Variants in CCDC169 observed in about 807,000 individuals in gnomAD.
CCDC169 encodes coiled-coil domain containing 169, also known as coiled-coil domain-containing protein 169.
A neutral mutation model predicts 36.0 loss-of-function variants in CCDC169; 30 were observed. The ratio of observed to expected loss-of-function variants is 0.83; its 90% CI spans 0.62 to 1.13. The LOEUF (loss-of-function observed/expected upper bound fraction) is 1.13. CCDC169 is among the 50% of genes most tolerant of loss of function. CCDC169 has a pLI of 0.00. For missense variants in CCDC169, 245 were observed against 245.9 expected (o/e 1.00, Z 0.03); for synonymous variants, 85 against 81.5 (o/e 1.04, Z -0.23).
intron 2 of CCDC169, among the ~76,000 whole-genome samples, chr13:36,286,516 C>T (rs1188804612): frequency 6.6e-6 from 1 of 152,090 alleles, no homozygotes; most frequent in Non-Finnish European, 1.5e-5. Context: ...TGAGGGATTT[C>T]GGAGTCTACA....
At chr13:36,232,727 GAATACAAAAAAAGAAAAA>G (rs1870576680) in intron 7 of CCDC169, among the ~76,000 whole-genome samples, 2 of 150,934 alleles carry the variant, frequency 1.3e-5, no homozygotes, top group African/African-American at 4.9e-5. Flanking sequence ...AAAAAAAAAA[GAATACAAAAAAAGAAAAA>G]AAAATTAGCC....
At chr13:36,238,500 C>T (rs1871346873) in intron 7 of CCDC169, among the ~76,000 whole-genome samples, 2 of 151,982 alleles carry the variant, frequency 1.3e-5, no homozygotes, top group Non-Finnish European at 2.9e-5. Flanking sequence ...TAATCCATTT[C>T]CTGTTAAAAT....
intron 4 of CCDC169, among the ~76,000 whole-genome samples, chr13:36,266,413 C>T (rs1875323656): frequency 6.6e-6 from 1 of 152,114 alleles, no homozygotes; most frequent in Non-Finnish European, 1.5e-5. Context: ...GACTTGTAGA[C>T]TCCAGATCCT....
At chr13:36,286,320 A>G (rs560539289) in intron 2 of CCDC169, among the ~76,000 whole-genome samples, 4 of 152,204 alleles carry the variant, frequency 2.6e-5, no homozygotes, top group Non-Finnish European at 5.9e-5. Context: ...TAGGTGCATT[A>G]GTCAGAGTGT....
Position 36,276,383 on chromosome 13 carries a change from G to C in CCDC169, c.315+7086C>G, listed in dbSNP as rs1422854694. 2.6e-5 allele frequency among the ~76,000 whole-genome samples: 4 copies of C among 152,230 alleles called. No individual in the cohort carries two copies. The East Asian group carries it at 7.7e-4, about 29-fold the overall frequency. ...ATTATATTCATTAGAACATATTCAA[G>C]GATTTGGATTTCGGCAAATTGGCTT... On this transcript the variant is annotated intron_variant, in intron 4 of 7. Coordinates refer to ENST00000239859, the MANE Select transcript of CCDC169 (RefSeq NM_001144981.3).
intron 2 of CCDC169, among the ~76,000 whole-genome samples, chr13:36,285,827 C>CT (rs1350488570): frequency 6.6e-6 from 1 of 152,162 alleles, no homozygotes; most frequent in Non-Finnish European, 1.5e-5. Context: ...ACACACAGAC[C>CT]TTGTAACCAG....
At chr13:36,255,286 C>A (rs1351748366) in intron 4 of CCDC169, among the ~76,000 whole-genome samples, 3 of 152,266 alleles carry the variant, frequency 2.0e-5, no homozygotes, top group Admixed American at 2.0e-4. Flanking sequence ...CCCCATCATG[C>A]GTTCTCCATG....
At chr13:36,292,976 T>C (rs1879084579) in intron 2 of CCDC169, among the ~76,000 whole-genome samples, 2 of 152,156 alleles carry the variant, frequency 1.3e-5, no homozygotes, top group Admixed American at 6.5e-5. Flanking sequence ...AGGGTGCAGG[T>C]AGATGGGTAG....
At chr13:36,260,845 C>T (rs1181409386) in intron 4 of CCDC169, among the ~76,000 whole-genome samples, 1 of 152,136 alleles carries the variant, frequency 6.6e-6, no homozygotes, top group Non-Finnish European at 1.5e-5. Flanking sequence ...TTCATAAGAG[C>T]CTCCTACCCC....
intron 4 of CCDC169, among the ~76,000 whole-genome samples, chr13:36,270,869 A>G (rs567521548): frequency 2.0e-5 from 3 of 152,312 alleles, no homozygotes; most frequent in Non-Finnish European, 4.4e-5. Context: ...TAGGCAAAGA[A>G]TTCATGACTA....
downstream of CCDC169, chr13:36,230,754 A>G: frequency 1.0e-6 from 1 of 986,554 alleles, no homozygotes. Context: ...TCAAGTCAAA[A>G]CTTAAAATGG....
At chr13:36,297,594 G>T (rs938494171) in intron 1 of CCDC169, 43 bp downstream of exon 1, 2 of 1,532,958 alleles carry the variant, frequency 1.3e-6, no homozygotes, top group South Asian at 2.4e-5. Flanking sequence ...GAAGGCTCGG[G>T]GGGTGTGGAC....
chr13:36,266,037 A>G (rs988846101), intron 4 of CCDC169, among the ~76,000 whole-genome samples: 10 of 152,156 alleles, frequency 6.6e-5, no homozygotes, highest in African/African-American at 2.2e-4. Flanking sequence ...CTGTCATAAT[A>G]TAAACTTTGA....
intron 2 of CCDC169, among the ~76,000 whole-genome samples, chr13:36,294,276 G>A (rs1258805994): frequency 6.6e-6 from 1 of 152,166 alleles, no homozygotes; most frequent in Non-Finnish European, 1.5e-5. Context: ...CATAGTTATT[G>A]CATGTGTACC....
intron 4 of CCDC169, among the ~76,000 whole-genome samples, chr13:36,258,227 G>A (rs1051344886): frequency 7.2e-5 from 11 of 152,132 alleles, no homozygotes; most frequent in Non-Finnish European, 1.6e-4. Context: ...GTGGGTGCAG[G>A]CTCCATCAGC....
At chr13:36,257,392 G>T (rs549234529) in intron 4 of CCDC169, among the ~76,000 whole-genome samples, 31 of 152,288 alleles carry the variant, frequency 2.0e-4, no homozygotes, top group Middle Eastern at 3.4e-3. Flanking sequence ...CTTCAGGGAA[G>T]CCTGGTCCTG....
intron 2 of CCDC169, among the ~76,000 whole-genome samples, chr13:36,290,140 T>G (rs1442472143): frequency 6.6e-6 from 1 of 152,156 alleles, no homozygotes; most frequent in Admixed American, 6.5e-5. Flanking sequence ...TGCCAGTATC[T>G]GACAGCAAAT....
intron 1 of CCDC169, among the ~76,000 whole-genome samples, chr13:36,296,883 G>C (rs1407285665): frequency 6.6e-6 from 1 of 152,206 alleles, no homozygotes; most frequent in Non-Finnish European, 1.5e-5. Flanking sequence ...GTCTAAGATT[G>C]CATAGTTACT....
At chr13:36,238,884 TAACAGAAAAGGAAACAG>T (rs1288346353) in intron 7 of CCDC169, among the ~76,000 whole-genome samples, 23 of 151,862 alleles carry the variant, frequency 1.5e-4, no homozygotes, top group African/African-American at 5.6e-4. Context: ...AATATAAAAA[TAACAGAAAAGGAAACAG>T]AACAGAAGAG....
Sources: allele counts gnomAD v4.1 joint callset (sites outside exome capture counted in the v4.1 genomes callset), GRCh38; gene constraint gnomAD v4.1.1; transcripts MANE v1.5; gene names NCBI Gene and HGNC (gene_info 2026-07-23, HGNC 2026-07-21).